PER3: variants seen among roughly 807,000 people sequenced by gnomAD.
The protein encoded by PER3 is period circadian protein homolog 3.
In PER3, 107 loss-of-function variants were observed where a neutral mutation model predicts 127.2. The ratio of observed to expected loss-of-function variants is 0.84; its 90% CI spans 0.72 to 0.99. The LOEUF (loss-of-function observed/expected upper bound fraction) is 0.99. PER3 is among the 50% of genes least tolerant of loss of function. The pLI is 0.00. For synonymous variants in PER3, 618 were observed against 585.8 expected (o/e 1.05, Z -0.79); for missense variants, 1,560 against 1,525.8 (o/e 1.02, Z -0.37).
rs781463227 is a variant in PER3 at position 7,786,894 on chromosome 1, C to G, written c.390+58C>G. 3.2e-6 allele frequency: 3 copies of G among 928,550 alleles called. No homozygotes were observed. In the African/African-American group the frequency reaches 4.9e-5, roughly 15 times the overall value. The allele number at this position is 928,550 out of a possible 1,614,324, so 57.5% of individuals were successfully genotyped here. ...GGGTGACTTTTCCTAAGGGCCTGCT[C>G]TAGATGTAGGCTTTTAAGAAGGATA... is the stretch of plus-strand genomic sequence containing the variant. On this transcript the variant is annotated intron_variant, in intron 4 of 21. Transcript: ENST00000377532.
chr1:7,819,408 A>G lies in PER3; in HGVS notation c.1646A>G (p.Asp549Gly). 2 of 1,614,114 alleles carry G rather than the reference A, an allele frequency of 1.2e-6. No homozygotes were observed. Among genetic ancestry groups the G allele is most frequent in the Non-Finnish European group, 1.7e-6 (2 of 1,179,946 alleles). The part of the protein sequence containing the change: ...SPSYQQINCI[D>G]SVIRYLKSYN... Reference sequence around the variant, plus strand: ...TCCTATCAACAGATCAACTGTATCGACAGTGTCATCAGGTATGAGACCGCA... The same window carrying G: ...TCCTATCAACAGATCAACTGTATCGGCAGTGTCATCAGGTATGAGACCGCA... Residue 549 changes from aspartate (D) to glycine (G), a missense_variant, in exon 14 of 22, where the codon GAC (aspartate) becomes GGC (glycine). By Grantham distance (94) the Asp-to-Gly change is moderately conservative (BLOSUM62 -1). This residue lies in a region of PER3 where 1,332 missense variants were observed against 1,223.6 expected (regional missense o/e 1.09). Coordinates refer to ENST00000377532, the MANE Select transcript of PER3 (RefSeq NM_001377275.1).
At chr1:7,824,248 G>A (rs1350697155) in intron 16 of PER3, among the ~76,000 whole-genome samples, 1 of 152,124 alleles carries the variant, frequency 6.6e-6, no homozygotes, top group African/African-American at 2.4e-5. Flanking sequence ...GTCCAAGATA[G>A]AATGAAGGAA....
intron 4 of PER3, chr1:7,787,133 C>T (rs2097095493): frequency 2.9e-6 from 1 of 350,616 alleles, no homozygotes. Flanking sequence ...AATTACACTG[C>T]AGAGTAATTT....
At chr1:7,832,333 G>GT (rs1400502844) in intron 19 of PER3, among the ~76,000 whole-genome samples, 2 of 110,220 alleles carry the variant, frequency 1.8e-5, no homozygotes, top group African/African-American at 3.3e-5. Flanking sequence ...TTTTCCTATT[G>GT]TTTTTTGGTT....
intron 2 of PER3, 63 bp downstream of exon 2, chr1:7,785,068 A>T (rs1442524311): frequency 2.0e-6 from 3 of 1,509,834 alleles, no homozygotes; most frequent in Non-Finnish European, 2.7e-6. Flanking sequence ...GAGCAGGGAA[A>T]GGGGGACCTA....
At chr1:7,790,579 T>G (rs1192885024) in intron 5 of PER3, among the ~76,000 whole-genome samples, 1 of 152,190 alleles carries the variant, frequency 6.6e-6, no homozygotes, top group Non-Finnish European at 1.5e-5. Flanking sequence ...TCTCACGTCC[T>G]CACATTTCAA....
At chr1:7,785,101 C>A in intron 2 of PER3, 96 bp downstream of exon 2, 1 of 1,362,034 alleles carries the variant, frequency 7.3e-7, no homozygotes, top group Non-Finnish European at 9.9e-7. Context: ...CTTTTGTTTT[C>A]AAGCCCAGGG....
chr1:7,785,120 A>G (rs2097080290), intron 2 of PER3, 115 bp downstream of exon 2: 1 of 1,157,794 alleles, frequency 8.6e-7, no homozygotes, highest in South Asian at 1.5e-5. Context: ...GGGAAAGTGT[A>G]AAGGGGAGAC....
In PER3 at chr1:7,784,980, A is replaced by G. The variant is rs755738638; in HGVS notation, c.103A>G (p.Arg35Gly). 1 of 1,567,262 alleles carries G rather than the reference A, an allele frequency of 6.4e-7. No homozygotes were observed. The highest frequency in any genetic ancestry group is 1.2e-5 in the South Asian group (1 of 84,710). The change falls in exon 2 of 22, where the codon AGG becomes GGG. Residue 35 changes from arginine (R) to glycine (G), a missense_variant. By Grantham distance (125) the Arg-to-Gly change is moderately radical (BLOSUM62 -2). This residue lies in a region of PER3 where 1,332 missense variants were observed against 1,223.6 expected (regional missense o/e 1.09). Transcript: ENST00000377532. Reference protein sequence around the residue: ...ERWSPEFHLQRKLADSSHSEQ... With the variant: ...ERWSPEFHLQGKLADSSHSEQ... The stretch of plus-strand genomic sequence containing the variant: ...GTGGAGCCCCGAGTTCCATCTGCAG[A>G]GGAAATTGGCGGACAGCAGCCACAG...
intron 13 of PER3, among the ~76,000 whole-genome samples, chr1:7,816,629 C>CACCACACATCTGTGAGAATGGCTA (rs2097252847): frequency 1.3e-5 from 2 of 149,050 alleles, no homozygotes; most frequent in Admixed American, 6.6e-5. Flanking sequence ...TATGAGATAA[C>CACCACACATCTGTGAGAATGGCTA]ACCACACATC....
intron 21 of PER3, among the ~76,000 whole-genome samples, chr1:7,842,222 G>T (rs1275085129): frequency 1.3e-5 from 2 of 152,166 alleles, no homozygotes; most frequent in South Asian, 2.1e-4. Context: ...AAAGAATGAG[G>T]CTGGGCGCGG....
rs1321414349 is a variant in PER3, at chr1:7,785,672, C to G, written c.274+86C>G. 2.7e-6 allele frequency: 3 copies of G among 1,131,064 alleles called. No homozygotes were observed. In the African/African-American group the frequency reaches 4.7e-5, roughly 18 times the overall value. The allele number at this position is 1,131,064 out of a possible 1,614,324, so 70.1% of individuals were successfully genotyped here. ...GAGGAGTGGTCAGTGGGGTCTCAGT[C>G]AGACAAATAATTTGAGCTTTTTCTG... On this transcript the variant is annotated intron_variant, in intron 3 of 21. Coordinates refer to ENST00000377532, the MANE Select transcript of PER3 (RefSeq NM_001377275.1).
Position 7,807,766 on chromosome 1 carries a change from G to A in PER3, c.1137-1127G>A, listed in dbSNP as rs906793209. On this transcript the variant is annotated intron_variant, in intron 10 of 21. Coordinates refer to ENST00000377532, the MANE Select transcript of PER3 (RefSeq NM_001377275.1). Reference sequence around the variant, plus strand: ...GTACCCACAGGCAGTACAGTGTGGTGGCACACAGGGTGGACTCTGGAGCCC... The same window carrying A: ...GTACCCACAGGCAGTACAGTGTGGTAGCACACAGGGTGGACTCTGGAGCCC... Among the ~76,000 whole-genome samples the A allele has an allele frequency of 3.9e-5, 6 of 152,320 alleles. No individual in the cohort carries two copies. The East Asian group carries it at 1.2e-3, about 29-fold the overall frequency.
Position 7,788,161 on chromosome 1 carries a change from C to T in PER3, c.507C>T (p.Asp169=). 5 of 1,613,994 alleles carry T rather than the reference C, an allele frequency of 3.1e-6. No homozygotes were observed. The highest frequency in any genetic ancestry group is 4.2e-6 in the Non-Finnish European group (5 of 1,179,926). ...KDVLASSHFV[D]LLAPQDMRVF... ...TCCTGGCGTCTTCTCACTTTGTTGA[C>T]CTGCTTGCACCTCAAGACATGAGGG... The change falls in exon 5 of 22, where the codon GAC becomes GAT. Residue 169 remains aspartate, a synonymous_variant. Transcript: ENST00000377532.
At chr1:7,841,799 G>C (rs2097390771) in intron 21 of PER3, among the ~76,000 whole-genome samples, 1 of 152,122 alleles carries the variant, frequency 6.6e-6, no homozygotes, top group East Asian at 1.9e-4. Context: ...AAGTGTCTTT[G>C]TTTTTTTCAG....
chr1:7,798,916 CAG>C (rs1558401866), intron 7 of PER3, among the ~76,000 whole-genome samples: 2 of 152,146 alleles, frequency 1.3e-5, no homozygotes, highest in East Asian at 3.9e-4. Context: ...GACTTGGTGA[CAG>C]ATACGGTTTT....
At chr1:7,838,155 G>A (rs191726817) in intron 21 of PER3, among the ~76,000 whole-genome samples, 26 of 152,102 alleles carry the variant, frequency 1.7e-4, no homozygotes, top group Non-Finnish European at 2.6e-4. Flanking sequence ...GCAAGACAAT[G>A]AAATCCTACT....
Position 7,843,217 on chromosome 1 carries a change from G to A in PER3, c.*462G>A, listed in dbSNP as rs2097399197. On this transcript the variant is annotated 3_prime_UTR_variant, in exon 22 of 22. Coordinates refer to ENST00000377532, the MANE Select transcript of PER3 (RefSeq NM_001377275.1). ...TCCATGAATGTAGTACGTTCATACA[G>A]GCTTCATTCAACCTGGCGTTCCCCT... 1 of 153,178 alleles carries A rather than the reference G, an allele frequency of 6.5e-6. No individual in the cohort carries two copies. Among genetic ancestry groups the A allele is most frequent in the African/African-American group, 2.4e-5 (1 of 41,450 alleles). 9.5% of individuals were successfully genotyped at this position (153,178 alleles called of 1,614,324 possible).
At chr1:7,827,014 G>A in intron 17 of PER3, 104 bp from the exon 18 acceptor site, 2 of 866,580 alleles carry the variant, frequency 2.3e-6, no homozygotes, top group Non-Finnish European at 3.5e-6. Flanking sequence ...GGTAGTATTG[G>A]CAAATGCTCA....
Sources: gnomAD v4.1 joint callset for allele counts (sites outside exome capture counted in the v4.1 genomes callset) on GRCh38, gnomAD v4.1.1 for gene constraint, gnomAD v4.1.1 regional missense constraint, MANE v1.5 for transcripts, NCBI Gene and HGNC (gene_info 2026-07-23, HGNC 2026-07-21) for gene names.